Variants in ZBTB7C observed in about 807,000 individuals in gnomAD.
ZBTB7C encodes zinc finger and BTB domain containing 7C.
In ZBTB7C, 8 loss-of-function variants were observed where a neutral mutation model predicts 25.7. That is an observed-to-expected ratio of 0.31 (90% confidence interval 0.18 to 0.56). The LOEUF is 0.56. ZBTB7C is among the 20% of genes least tolerant of loss of function. The pLI, the probability that ZBTB7C is intolerant of heterozygous loss-of-function variation, is 0.91. For missense variants in ZBTB7C, 824 were observed against 855.2 expected, an observed-to-expected ratio of 0.96 and a Z score of 0.46; for synonymous variants, 394 against 369.0, an observed-to-expected ratio of 1.07 and a Z score of -0.78.
At chr18:48,371,340 G>A (rs1419862184) in intron 1 of ZBTB7C, among the ~76,000 whole-genome samples, 1 of 152,162 alleles carries the variant, frequency 6.6e-6, no homozygotes, top group East Asian at 1.9e-4. Flanking sequence ...CCATCCTGTG[G>A]AACTGGAAAT....
intron 3 of ZBTB7C, among the ~76,000 whole-genome samples, chr18:48,087,205 G>A (rs143421007): frequency 1.0e-3 from 154 of 152,342 alleles, no homozygotes; most frequent in Admixed American, 3.3e-3. Flanking sequence ...GGCAATGAGA[G>A]CATCCAAAAG....
chr18:48,292,499 T>C (rs1365271458), intron 2 of ZBTB7C, among the ~76,000 whole-genome samples: 1 of 152,118 alleles, frequency 6.6e-6, no homozygotes, highest in East Asian at 1.9e-4. Flanking sequence ...TCCCTCCTCC[T>C]GCGCCTGTCC....
chr18:48,115,961 T>G (rs978625998), intron 3 of ZBTB7C, among the ~76,000 whole-genome samples: 4 of 152,096 alleles, frequency 2.6e-5, no homozygotes, highest in Non-Finnish European at 4.4e-5. Flanking sequence ...TATTTAGCAC[T>G]TTTGGTTCTA....
chr18:48,285,251 A>G (rs1598780795), intron 2 of ZBTB7C, among the ~76,000 whole-genome samples: 1 of 152,158 alleles, frequency 6.6e-6, no homozygotes, highest in African/African-American at 2.4e-5. Flanking sequence ...TCTTACAGTA[A>G]TTGTAGATTT....
chr18:48,385,912 C>T (rs539489146), intron 1 of ZBTB7C, among the ~76,000 whole-genome samples: 10 of 152,284 alleles, frequency 6.6e-5, no homozygotes, highest in East Asian at 3.9e-4. Flanking sequence ...GATTCCATGA[C>T]GGGGAGATTC....
At chr18:48,221,971 T>C (rs1409415243) in intron 2 of ZBTB7C, among the ~76,000 whole-genome samples, 1 of 148,192 alleles carries the variant, frequency 6.7e-6, no homozygotes, top group African/African-American at 2.5e-5. Flanking sequence ...GTCTCCTTTA[T>C]ACTATCCCAG....
At chr18:48,405,920 T>C (rs28673996) in intron 1 of ZBTB7C, among the ~76,000 whole-genome samples, 7,359 of 150,512 alleles carry the variant, frequency 0.049, 507 homozygotes, top group African/African-American at 0.17. Flanking sequence ...CGGGGTTCAC[T>C]CCGGTACCCT....
intron 2 of ZBTB7C, among the ~76,000 whole-genome samples, chr18:48,272,348 C>A (rs1356241407): frequency 2.0e-5 from 3 of 152,182 alleles, no homozygotes; most frequent in South Asian, 4.1e-4. Context: ...GCTTCTGGTT[C>A]TTTGGCCTTT....
Position 48,029,286 on chromosome 18 carries a change from C to T in ZBTB7C, c.1834G>A (p.Ala612Thr). The T allele has an allele frequency of 6.5e-7, 1 of 1,538,214 alleles. No homozygotes were observed. Among genetic ancestry groups the T allele is most frequent in the Non-Finnish European group, 8.7e-7 (1 of 1,148,684 alleles). ...TAGTTGTTGGCTTCGGACATGGAGG[C>T]CACGTGGTTGAGGCCGGCGAGCCCA... is the stretch of plus-strand genomic sequence containing the variant. ...LPGLAGLNHV[A>T]SMSEANN The change falls in exon 5 of 5, where the codon GCC (alanine) becomes ACC (threonine). Residue 612 changes from alanine to threonine, a missense_variant. Physicochemically the swap from Ala to Thr is moderately conservative, Grantham distance 58. Transcript: ENST00000590800.
chr18:48,153,114 G>C (rs567542967), intron 3 of ZBTB7C, among the ~76,000 whole-genome samples: 1 of 152,236 alleles, frequency 6.6e-6, no homozygotes, highest in Non-Finnish European at 1.5e-5. Context: ...GCTGGACTCT[G>C]AATATCAAAA....
In ZBTB7C at chr18:48,082,640, G is replaced by A. The variant is rs148490232; in HGVS notation, c.-16-41517C>T. On this transcript the variant is annotated intron_variant, in intron 3 of 4. Transcript: ENST00000590800. Reference sequence around the variant, plus strand: ...GAAAGGGAGAAGCTCCAGGTATCTGGAAAGGAGAGAAAGTAAGGCAAACAG... The same window carrying A: ...GAAAGGGAGAAGCTCCAGGTATCTGAAAAGGAGAGAAAGTAAGGCAAACAG... 3.1e-3 allele frequency among the ~76,000 whole-genome samples: 479 copies of A among 152,278 alleles called. 2 individuals carry two copies. The highest frequency in any genetic ancestry group is 5.7e-3 in the Non-Finnish European group (391 of 68,016).
At chr18:48,057,238 T>C (rs1022875113) in intron 3 of ZBTB7C, among the ~76,000 whole-genome samples, 3 of 152,176 alleles carry the variant, frequency 2.0e-5, no homozygotes, top group African/African-American at 7.2e-5. Context: ...CAATTACCCT[T>C]ATAGATATAT....
chr18:48,399,693 C>T (rs970883692), intron 1 of ZBTB7C, among the ~76,000 whole-genome samples: 1 of 152,172 alleles, frequency 6.6e-6, no homozygotes, highest in African/African-American at 2.4e-5. Context: ...AGACACAAGC[C>T]AGTTACTTAG....
At chr18:48,395,882 G>T (rs1395356706) in intron 1 of ZBTB7C, among the ~76,000 whole-genome samples, 1 of 152,146 alleles carries the variant, frequency 6.6e-6, no homozygotes, top group African/African-American at 2.4e-5. Context: ...CTTAAAAATT[G>T]TAAGGAAAGA....
chr18:48,229,697 T>A (rs1000632174), intron 2 of ZBTB7C, among the ~76,000 whole-genome samples: 2 of 152,178 alleles, frequency 1.3e-5, no homozygotes, highest in African/African-American at 2.4e-5. Flanking sequence ...TGGAACAAAT[T>A]GAGGAATAAT....
At chr18:48,291,500 C>T (rs1465387649) in intron 2 of ZBTB7C, among the ~76,000 whole-genome samples, 1 of 152,132 alleles carries the variant, frequency 6.6e-6, no homozygotes, top group East Asian at 1.9e-4. Context: ...AGAAACCTAC[C>T]TGAGAGCCAC....
chr18:48,226,816 T>A (rs2043107697), intron 2 of ZBTB7C, among the ~76,000 whole-genome samples: 1 of 152,006 alleles, frequency 6.6e-6, no homozygotes, highest in Non-Finnish European at 1.5e-5. Flanking sequence ...TTCAGGAGAT[T>A]GAGATGATCC....
chr18:48,089,678 C>T (rs2038336524), intron 3 of ZBTB7C, among the ~76,000 whole-genome samples: 1 of 152,124 alleles, frequency 6.6e-6, no homozygotes, highest in African/African-American at 2.4e-5. Flanking sequence ...GTCTGCATTT[C>T]TGATTAGCTT....
intron 3 of ZBTB7C, among the ~76,000 whole-genome samples, chr18:48,109,124 G>A (rs1006609264): frequency 6.6e-6 from 1 of 152,088 alleles, no homozygotes; most frequent in East Asian, 1.9e-4. Context: ...TGGGGGTTGC[G>A]GTCCCTAGCA....
Sources: gnomAD v4.1 joint callset for allele counts (sites outside exome capture counted in the v4.1 genomes callset) on GRCh38, gnomAD v4.1.1 for gene constraint, MANE v1.5 for transcripts, NCBI Gene and HGNC (gene_info 2026-07-23, HGNC 2026-07-21) for gene names.